Variants in TBX15 observed in about 807,000 individuals in gnomAD.
The protein encoded by TBX15 is T-box transcription factor 15, also known as T-box transcription factor TBX15.
TBX15 carries 18 observed loss-of-function variants against 53.9 expected under a neutral mutation model. The observed-to-expected ratio is 0.33, with a 90% confidence interval of 0.23 to 0.49. TBX15 has a LOEUF of 0.49. TBX15 is among the 20% of genes least tolerant of loss of function. The pLI is 0.98. For synonymous variants in TBX15, 295 were observed against 278.0 expected, an observed-to-expected ratio of 1.06 and a Z score of -0.61; for missense variants, 692 against 749.5, an observed-to-expected ratio of 0.92 and a Z score of 0.90.
intron 2 of TBX15, 86 bp from the exon 3 acceptor site, chr1:118,926,697 G>T: frequency 8.6e-7 from 1 of 1,160,536 alleles, no homozygotes; most frequent in Non-Finnish European, 1.3e-6. Flanking sequence ...GGGTTTTTTT[G>T]TTTGTTTGTT....
chr1:118,955,247 A>T (rs892543997), intron 1 of TBX15, among the ~76,000 whole-genome samples: 4 of 64,928 alleles, frequency 6.2e-5, no homozygotes, highest in Admixed American at 1.8e-4. Flanking sequence ...CAATGTGATT[A>T]AAAAAAAAAA....
In TBX15 at chr1:118,883,411, A is replaced by T. The variant is rs1437844800; in HGVS notation, c.*1321T>A. 5 of 152,542 alleles carry T rather than the reference A, an allele frequency of 3.3e-5. No homozygotes were observed. The allele number at this position is 152,542 out of a possible 1,614,324, so 9.4% of individuals were successfully genotyped here. On this transcript the variant is annotated 3_prime_UTR_variant, in exon 8 of 8. Coordinates refer to ENST00000369429, the MANE Select transcript of TBX15 (RefSeq NM_001330677.2). ...CCAAAACTTCAAAATGCAATGTACT[A>T]TTTGATAAAAATGGAGATCTAAGGG...
intron 1 of TBX15, among the ~76,000 whole-genome samples, chr1:118,969,144 C>A (rs1054178823): frequency 5.3e-5 from 8 of 152,230 alleles, no homozygotes; most frequent in South Asian, 2.1e-4. Context: ...CAAATGGACT[C>A]ATTCCCTGTA....
intron 7 of TBX15, 82 bp downstream of exon 7, chr1:118,898,946 G>A (rs1654518981): frequency 1.4e-6 from 2 of 1,389,666 alleles, no homozygotes; most frequent in Admixed American, 1.8e-5. Context: ...CTTGGCCTGA[G>A]GCCAGATGTG....
intron 5 of TBX15, among the ~76,000 whole-genome samples, chr1:118,919,526 G>T (rs1395449689): frequency 6.6e-6 from 1 of 152,146 alleles, no homozygotes; most frequent in African/African-American, 2.4e-5. Context: ...AATGGGGAAA[G>T]AAAAGCATAA....
At chr1:118,916,735 G>A (rs1655236661) in intron 5 of TBX15, among the ~76,000 whole-genome samples, 1 of 151,962 alleles carries the variant, frequency 6.6e-6, no homozygotes, top group Non-Finnish European at 1.5e-5. Context: ...GCATGGTGGT[G>A]TGCACCTGTA....
At chr1:118,941,286 G>A (rs373449207) in intron 1 of TBX15, among the ~76,000 whole-genome samples, 22 of 152,252 alleles carry the variant, frequency 1.4e-4, no homozygotes, top group African/African-American at 4.1e-4. Flanking sequence ...TTCCCACTGA[G>A]CACCAATAAA....
At chr1:118,886,803 G>T (rs1422713283) in intron 7 of TBX15, among the ~76,000 whole-genome samples, 1 of 152,190 alleles carries the variant, frequency 6.6e-6, no homozygotes, top group Non-Finnish European at 1.5e-5. Context: ...CAAGTTCTCA[G>T]GTGATGGTCC....
rs1571220338 is a variant in TBX15, at chr1:118,979,738, G to A, written c.205+7853C>T. The stretch of plus-strand genomic sequence containing the variant: ...TTCTCCAGGATGTAATTAGAGCTAA[G>A]AACAGCCGCCATCCCTCAGGGTTCC... On this transcript the variant is annotated intron_variant, in intron 1 of 7. Coordinates refer to ENST00000369429, the MANE Select transcript of TBX15 (RefSeq NM_001330677.2). Among the ~76,000 whole-genome samples, 6 of 152,338 alleles carry A rather than the reference G, an allele frequency of 3.9e-5. 1 individual carries two copies. In the South Asian group the frequency reaches 1.2e-3, roughly 32 times the overall value.
intron 1 of TBX15, among the ~76,000 whole-genome samples, chr1:118,981,746 C>G (rs1011043565): frequency 2.6e-5 from 4 of 152,200 alleles, no homozygotes; most frequent in Admixed American, 2.6e-4. Flanking sequence ...ACACTTAGAG[C>G]AAGGGCCTCA....
Position 118,893,348 on chromosome 1 carries a change from G to A in TBX15, c.1024+5680C>T, listed in dbSNP as rs28565906. Reference sequence around the variant, plus strand: ...AAAGAAGAAAGAAGGAAGGAAGGAAGGAAGGAAGGAAAGAAAGAAAGAAAG... The same window carrying A: ...AAAGAAGAAAGAAGGAAGGAAGGAAAGAAGGAAGGAAAGAAAGAAAGAAAG... On this transcript the variant is annotated intron_variant, in intron 7 of 7. Transcript: ENST00000369429. Among the ~76,000 whole-genome samples, 46 of 60,912 alleles carry A rather than the reference G, an allele frequency of 7.6e-4. 1 individual carries two copies. Among genetic ancestry groups the A allele is most frequent in the African/African-American group, 3.5e-3 (34 of 9,718 alleles). The allele number at this position is 60,912 out of a possible 152,430, so 40.0% of individuals were successfully genotyped here.
At chr1:118,975,550 G>A (rs1657395615) in intron 1 of TBX15, among the ~76,000 whole-genome samples, 1 of 152,164 alleles carries the variant, frequency 6.6e-6, no homozygotes, top group Non-Finnish European at 1.5e-5. Flanking sequence ...TGCCACGCAG[G>A]GCTGAGTTTA....
intron 7 of TBX15, among the ~76,000 whole-genome samples, chr1:118,893,537 AG>A (rs1557872903): frequency 2.1e-4 from 25 of 120,006 alleles, no homozygotes; most frequent in African/African-American, 8.1e-4. Flanking sequence ...AAGGAAAGAA[AG>A]ATGGAAGGAA....
In TBX15 at chr1:118,931,353, A is replaced by G. The variant is rs114922334; in HGVS notation, c.419+266T>C. On this transcript the variant is annotated intron_variant, in intron 2 of 7. Coordinates refer to ENST00000369429, the MANE Select transcript of TBX15 (RefSeq NM_001330677.2). Reference sequence around the variant, plus strand: ...TATTTTGGCTGTTAAGATCCCATGGACTTCCAATATTAGCTGAAATACATT... The same window carrying G: ...TATTTTGGCTGTTAAGATCCCATGGGCTTCCAATATTAGCTGAAATACATT... Among the ~76,000 whole-genome samples the G allele has an allele frequency of 0.014, 2,161 of 152,334 alleles. 45 individuals carry two copies. Among genetic ancestry groups the G allele is most frequent in the African/African-American group, 0.05 (2,082 of 41,566 alleles).
intron 6 of TBX15, among the ~76,000 whole-genome samples, chr1:118,903,398 A>G (rs1287167467): frequency 6.6e-6 from 1 of 152,224 alleles, no homozygotes; most frequent in Non-Finnish European, 1.5e-5. Flanking sequence ...TTCAAAGTTC[A>G]GCAAATATTT....
At chr1:118,927,408 T>C (rs1282029240) in intron 2 of TBX15, among the ~76,000 whole-genome samples, 1 of 152,210 alleles carries the variant, frequency 6.6e-6, no homozygotes, top group Non-Finnish European at 1.5e-5. Flanking sequence ...TATTTTCAAC[T>C]GAGTTTATTT....
intron 1 of TBX15, among the ~76,000 whole-genome samples, chr1:118,953,701 TTTTTCTTTTTTTAAGTTTATTGG>T (rs1398258494): frequency 6.6e-6 from 1 of 152,132 alleles, no homozygotes; most frequent in African/African-American, 2.4e-5. Flanking sequence ...TGTTCCAAGT[TTTTTCTTTTTTTAAGTTTATTGG>T]TTTTCACTCT....
chr1:118,897,605 C>T (rs995922766), intron 7 of TBX15, among the ~76,000 whole-genome samples: 1 of 152,140 alleles, frequency 6.6e-6, no homozygotes. Context: ...AAAATTATCC[C>T]TCTTTTGTAG....
intron 6 of TBX15, among the ~76,000 whole-genome samples, chr1:118,908,122 C>T (rs1188285885): frequency 6.6e-6 from 1 of 152,240 alleles, no homozygotes; most frequent in Non-Finnish European, 1.5e-5. Context: ...TAGCTCCTCA[C>T]TGCTGACCTA....
Sources: gnomAD v4.1 joint callset for allele counts (sites outside exome capture counted in the v4.1 genomes callset) on GRCh38, gnomAD v4.1.1 for gene constraint, MANE v1.5 for transcripts, NCBI Gene and HGNC (gene_info 2026-07-23, HGNC 2026-07-21) for gene names.